MEIS2: variants seen among roughly 807,000 people sequenced by gnomAD.
MEIS2 encodes homeobox protein Meis2.
In MEIS2, 9 loss-of-function variants were observed where a neutral mutation model predicts 58.6. The observed-to-expected ratio is 0.15, with a 90% CI of 0.09 to 0.27. The LOEUF is 0.27. Among genes scored for constraint, MEIS2 ranks in the 10% least tolerant of loss-of-function variants. The pLI, the probability that MEIS2 is intolerant of heterozygous loss-of-function variation, is 1.00. For synonymous variants in MEIS2, 221 were observed against 228.4 expected, an observed-to-expected ratio of 0.97 and a Z score of 0.29; for missense variants, 427 against 635.0, an observed-to-expected ratio of 0.67 and a Z score of 3.52.
At chr15:37,095,796 T>C in intron 3 of MEIS2, 182 bp from the exon 4 acceptor site, 2 of 838,934 alleles carry the variant, frequency 2.4e-6, no homozygotes, top group Non-Finnish European at 1.8e-6. Context: ...GGCATTCTGG[T>C]CCTGGCCCCA....
intron 8 of MEIS2, among the ~76,000 whole-genome samples, chr15:37,020,404 C>T (rs759333445): frequency 1.3e-5 from 2 of 152,146 alleles, no homozygotes; most frequent in Non-Finnish European, 2.9e-5. Flanking sequence ...TAAAACTGAA[C>T]TCTAAGGAAA....
chr15:37,096,203 C>G, intron 3 of MEIS2, 86 bp downstream of exon 3: 1 of 1,407,794 alleles, frequency 7.1e-7, no homozygotes, highest in Non-Finnish European at 9.6e-7. Context: ...GTGTCCCTGG[C>G]CTTTCCTCCT....
At chr15:36,913,583 G>C (rs1229582629) in intron 9 of MEIS2, among the ~76,000 whole-genome samples, 1 of 152,048 alleles carries the variant, frequency 6.6e-6, no homozygotes, top group Admixed American at 6.5e-5. Flanking sequence ...TTATAGAACA[G>C]AGTAAAAAAA....
At chr15:36,960,248 CTT>C (rs902400308) in intron 8 of MEIS2, among the ~76,000 whole-genome samples, 1 of 144,890 alleles carries the variant, frequency 6.9e-6, no homozygotes, top group Admixed American at 6.9e-5. Flanking sequence ...TGAGGGTTAT[CTT>C]TTTTTTTTTC....
At chr15:36,967,130 G>T (rs1166238880) in intron 8 of MEIS2, among the ~76,000 whole-genome samples, 1 of 152,126 alleles carries the variant, frequency 6.6e-6, no homozygotes, top group Non-Finnish European at 1.5e-5. Context: ...TGTTTCCATT[G>T]CTCTGTCATG....
chr15:37,012,412 TCCG>T (rs1413895958), intron 8 of MEIS2, among the ~76,000 whole-genome samples: 1 of 152,182 alleles, frequency 6.6e-6, no homozygotes, highest in Non-Finnish European at 1.5e-5. Flanking sequence ...AAAGCATGCT[TCCG>T]TTTTTATCAC....
rs549036816 is a variant in MEIS2 at position 36,891,942 on chromosome 15, G to C, written c.*231C>G. 2 of 577,968 alleles carry C rather than the reference G, an allele frequency of 3.5e-6. No homozygotes were observed. The allele number at this position is 577,968 out of a possible 1,614,324, so 35.8% of individuals were successfully genotyped here. On this transcript the variant is annotated 3_prime_UTR_variant, in exon 12 of 12. Transcript: ENST00000561208. ...TTATACTACAGTAGTTATAACTCTCGGAGTCTTTTTCCAGAGGATCTTTAC... is the reference window on the plus strand; with the variant it reads ...TTATACTACAGTAGTTATAACTCTCCGAGTCTTTTTCCAGAGGATCTTTAC...
At chr15:36,974,241 T>G (rs192521907) in intron 8 of MEIS2, among the ~76,000 whole-genome samples, 39 of 152,298 alleles carry the variant, frequency 2.6e-4, no homozygotes, top group African/African-American at 8.9e-4. Context: ...ATAGTGAAAT[T>G]CAAAAAATGA....
intron 8 of MEIS2, among the ~76,000 whole-genome samples, chr15:36,991,563 TG>T (rs2060274775): frequency 6.6e-6 from 1 of 152,076 alleles, no homozygotes; most frequent in Admixed American, 6.5e-5. Flanking sequence ...TGAGAGAGCC[TG>T]AAGAAAATAA....
chr15:37,091,488 G>C (rs1271961757), intron 6 of MEIS2, among the ~76,000 whole-genome samples: 1 of 152,106 alleles, frequency 6.6e-6, no homozygotes, highest in African/African-American at 2.4e-5. Context: ...AAGCCCTCAT[G>C]GGTTCAAAAT....
chr15:37,031,926 ACTCCTGGG>A (rs2061945069), intron 8 of MEIS2, among the ~76,000 whole-genome samples: 1 of 150,586 alleles, frequency 6.6e-6, no homozygotes. Flanking sequence ...GCAGCCTCAA[ACTCCTGGG>A]CTCAAATGAT....
At chr15:37,075,574 A>C (rs183782856) in intron 7 of MEIS2, among the ~76,000 whole-genome samples, 2 of 152,238 alleles carry the variant, frequency 1.3e-5, no homozygotes, top group Admixed American at 1.3e-4. Context: ...ATCTTAAAAA[A>C]GGAAAAAAGA....
chr15:37,034,349 C>T (rs1324832512), intron 8 of MEIS2, among the ~76,000 whole-genome samples: 2 of 152,180 alleles, frequency 1.3e-5, no homozygotes, highest in African/African-American at 4.8e-5. Flanking sequence ...ATGCAGACTT[C>T]CCAACTCCCC....
In MEIS2 at chr15:37,014,178, T is replaced by A. The variant is rs577660865; in HGVS notation, c.900+22636A>T. Among the ~76,000 whole-genome samples, 3 of 152,324 alleles carry A rather than the reference T, an allele frequency of 2.0e-5. No individual in the cohort carries two copies. In the East Asian group the frequency reaches 5.8e-4, roughly 29 times the overall value. On this transcript the variant is annotated intron_variant, in intron 8 of 11. Transcript: ENST00000561208. Reference sequence around the variant, plus strand: ...ATTGCAAAGAACTTCTTAAACCCACTGCTTAGATATATGTGAAGCGTAGAC... The same window carrying A: ...ATTGCAAAGAACTTCTTAAACCCACAGCTTAGATATATGTGAAGCGTAGAC...
intron 8 of MEIS2, among the ~76,000 whole-genome samples, chr15:36,976,476 T>TATTATATTATTATATGTATATA (rs1362899064): frequency 1.3e-5 from 2 of 148,426 alleles, no homozygotes; most frequent in Non-Finnish European, 3.0e-5. Context: ...ATGTATATTA[T>TATTATATTATTATATGTATATA]ATTATATTAT....
At chr15:37,055,491 AAAC>A (rs1490373501) in intron 7 of MEIS2, among the ~76,000 whole-genome samples, 7 of 152,332 alleles carry the variant, frequency 4.6e-5, no homozygotes, top group African/African-American at 1.7e-4. Context: ...TCTCAACATT[AAAC>A]AACATTACTC....
chr15:36,952,065 T>C (rs1207924610), intron 8 of MEIS2, among the ~76,000 whole-genome samples: 2 of 152,140 alleles, frequency 1.3e-5, no homozygotes, highest in African/African-American at 4.8e-5. Flanking sequence ...TGACAAATAC[T>C]CCTCCTAACA....
chr15:36,897,476 G>C (rs557440970), intron 9 of MEIS2: 1 of 152,284 alleles, frequency 6.6e-6, no homozygotes, highest in South Asian at 2.1e-4. Flanking sequence ...AAGAAGCCTG[G>C]ATCTAATTTT....
intron 9 of MEIS2, among the ~76,000 whole-genome samples, chr15:36,928,365 G>T (rs139265371): frequency 6.6e-6 from 1 of 152,118 alleles, no homozygotes. Flanking sequence ...CCTACCAACT[G>T]TCATACAGTT....
Sources: allele counts gnomAD v4.1 joint callset (sites outside exome capture counted in the v4.1 genomes callset), GRCh38; gene constraint gnomAD v4.1.1; transcripts MANE v1.5; gene names NCBI Gene and HGNC (gene_info 2026-07-23, HGNC 2026-07-21).